Variants in MZF1 observed in about 807,000 individuals in gnomAD.
MZF1 encodes the protein myeloid zinc finger 1, also known as zinc finger and SCAN domain-containing protein 6.
In MZF1, 24 loss-of-function variants were observed where a neutral mutation model predicts 28.6. The observed-to-expected ratio is 0.84, with a 90% confidence interval of 0.61 to 1.18. MZF1 has a LOEUF of 1.18. MZF1 is among the 50% of genes most tolerant of loss of function. The pLI is 0.00. For missense variants in MZF1, 1,166 were observed against 1,026.4 expected (o/e 1.14, Z -1.86); for synonymous variants, 516 against 432.5 (o/e 1.19, Z -2.40).
Position 58,562,281 on chromosome 19 carries a change from C to T in MZF1, c.1996G>A (p.Ala666Thr). The T allele has an allele frequency of 6.3e-7, 1 of 1,591,640 alleles. No individual in the cohort carries two copies. The highest frequency in any genetic ancestry group is 8.5e-7 in the Non-Finnish European group (1 of 1,171,608). Residue 666 changes from alanine (A) to threonine (T), a missense_variant, in exon 6 of 6, where the codon GCC becomes ACC. Coordinates refer to ENST00000215057, the MANE Select transcript of MZF1 (RefSeq NM_198055.2). ...PECGQSFRQH[A>T]NLTQHRRIHT... ...ATGCGCCGGTGCTGGGTGAGGTTGGCGTGCTGCCGAAAGCTCTGGCCGCAC... is the reference window on the plus strand; with the variant it reads ...ATGCGCCGGTGCTGGGTGAGGTTGGTGTGCTGCCGAAAGCTCTGGCCGCAC...
Position 58,563,351 on chromosome 19 carries a change from C to T in MZF1, c.926G>A (p.Ser309Asn), listed in dbSNP as rs531744684. The T allele has an allele frequency of 6.2e-7, 1 of 1,608,568 alleles. No homozygotes were observed. The highest frequency in any genetic ancestry group is 2.2e-5 in the East Asian group (1 of 44,734). The change falls in exon 6 of 6, where the codon AGC becomes AAC. Residue 309 changes from serine (S) to asparagine (N), a missense_variant. Coordinates refer to ENST00000215057, the MANE Select transcript of MZF1 (RefSeq NM_198055.2). ...GGFAHALLLP[S>N]DLRSEQDPTD... ...GGGGTCCTGTTCACTCCTCAGATCG[C>T]TGGGGAGCAGAAGCGCATGCGCAAA...
At chr19:58,572,773 A>C in intron 1 of MZF1, 1 of 469,760 alleles carries the variant, frequency 2.1e-6, no homozygotes, top group Non-Finnish European at 3.7e-6. Flanking sequence ...GAGGGTCCCG[A>C]AATACACTTC....
intron 5 of MZF1, among the ~76,000 whole-genome samples, chr19:58,566,326 T>TCACC (rs1200004363): frequency 2.0e-5 from 3 of 151,328 alleles, no homozygotes; most frequent in Admixed American, 6.6e-5. Flanking sequence ...AGCATGACTG[T>TCACC]AATCTCAGCT....
chr19:58,563,475 C>T lies in MZF1; in HGVS notation c.802G>A (p.Ala268Thr), dbSNP rs374539216. The change falls in exon 6 of 6, where the codon GCA becomes ACA. Residue 268 changes from alanine to threonine, a missense_variant. Physicochemically the swap from Ala to Thr is moderately conservative, Grantham distance 58. Coordinates refer to ENST00000215057, the MANE Select transcript of MZF1 (RefSeq NM_198055.2). ...GFALQLGSIS[A>T]GPGSVSPHLH... ...TGAGGGCTTACACTACCTGGACCTG[C>T]GGAGATGCTGCCTAGCTGCAGCGCG... 15 of 1,562,076 alleles carry T rather than the reference C, an allele frequency of 9.6e-6. No individual in the cohort carries two copies. The highest frequency in any genetic ancestry group is 3.8e-5 in the Admixed American group (2 of 52,870).
At chr19:58,572,705 A>C (rs1032488191) in intron 1 of MZF1, 1 of 1,098,980 alleles carries the variant, frequency 9.1e-7, no homozygotes, top group African/African-American at 1.6e-5. Flanking sequence ...CAAGGTGCCA[A>C]GTCAACCTGA....
At chr19:58,570,316 T>C in intron 3 of MZF1, 28 bp downstream of exon 3, 1 of 1,577,662 alleles carries the variant, frequency 6.3e-7, no homozygotes, top group Admixed American at 1.8e-5. Context: ...AACCAGACCT[T>C]AGGCGCGCCC....
At chr19:58,569,170 G>A in intron 5 of MZF1, 107 bp downstream of exon 5, 1 of 1,386,272 alleles carries the variant, frequency 7.2e-7, no homozygotes, top group Non-Finnish European at 9.7e-7. Context: ...GGGGAACTTG[G>A]GGATGCTGGA....
At position 58,571,204 on chromosome 19, in the gene MZF1, C is replaced by T. The variant is rs2054156119; in HGVS notation, c.186G>A (p.Leu62=). ...GGCGACACAGCTCTCGGAGCTGGGC[C>T]AGGGCCTCTTGGGGCCCTGTGGCCT... ...YEEATGPQEA[L]AQLRELCRQW... The change falls in exon 2 of 6, where the codon CTG becomes CTA. Residue 62 remains leucine (L), a synonymous_variant. Coordinates refer to ENST00000215057, the MANE Select transcript of MZF1 (RefSeq NM_198055.2). The T allele has an allele frequency of 6.2e-7, 1 of 1,613,060 alleles. No homozygotes were observed. The highest frequency in any genetic ancestry group is 8.5e-7 in the Non-Finnish European group (1 of 1,179,506).
chr19:58,569,524 C>G lies in MZF1; in HGVS notation c.643G>C (p.Glu215Gln), dbSNP rs774828731. Residue 215 changes from glutamate (E) to glutamine (Q), a missense_variant, in exon 4 of 6, where the codon GAG becomes CAG. Transcript: ENST00000215057. Reference protein sequence around the residue: ...QESVPTLLPEEAQRCGTVLDQ... With the variant: ...QESVPTLLPEQAQRCGTVLDQ... ...ACCTGGGCAGGACTTACCTGGGCCT[C>G]CTCAGGCAGGAGGGTGGGTACAGAC... The G allele has an allele frequency of 2.5e-6, 4 of 1,611,460 alleles. No individual in the cohort carries two copies. In the East Asian group the frequency reaches 8.9e-5, roughly 36 times the overall value.
intron 2 of MZF1, 106 bp downstream of exon 2, chr19:58,570,888 G>A: frequency 2.3e-6 from 3 of 1,312,522 alleles, no homozygotes; most frequent in Admixed American, 4.6e-5. Context: ...GGCCACTTCT[G>A]TACCACAAGG....
intron 5 of MZF1, among the ~76,000 whole-genome samples, chr19:58,565,956 C>G (rs113915900): frequency 2.7e-5 from 4 of 149,382 alleles, no homozygotes; most frequent in African/African-American, 9.8e-5. Context: ...CTGGCTAACA[C>G]GGCGAAACCC....
intron 1 of MZF1, 167 bp downstream of exon 1, chr19:58,572,888 A>G (rs2054192370): frequency 6.7e-6 from 2 of 298,654 alleles, no homozygotes; most frequent in South Asian, 2.5e-5. Context: ...CGTGGCAACG[A>G]GTAGTGATTG....
chr19:58,567,214 A>G lies in MZF1; in HGVS notation c.772+2063T>C, dbSNP rs1228750437. On this transcript the variant is annotated intron_variant, in intron 5 of 5. Transcript: ENST00000215057. ...TGAGCGGCTGCGCCTGGCTAAGAAGATTCTAAAAACTCAGGAGTTGGAGGT... is the reference window on the plus strand; with the variant it reads ...TGAGCGGCTGCGCCTGGCTAAGAAGGTTCTAAAAACTCAGGAGTTGGAGGT... Among the ~76,000 whole-genome samples, 3 of 152,154 alleles carry G rather than the reference A, an allele frequency of 2.0e-5. No homozygotes were observed. The East Asian group carries it at 5.8e-4, about 29-fold the overall frequency.
intron 2 of MZF1, 23 bp downstream of exon 2, chr19:58,570,971 C>G: frequency 1.3e-6 from 2 of 1,581,908 alleles, no homozygotes; most frequent in African/African-American, 2.7e-5. Context: ...AGTCCTGAAC[C>G]CCACTCGTGG....
chr19:58,564,174 G>A (rs1239828463), intron 5 of MZF1: 1 of 152,308 alleles, frequency 6.6e-6, no homozygotes, highest in African/African-American at 2.4e-5. Context: ...GAAGGCGGAA[G>A]CCTGGAGGAG....
chr19:58,571,072 C>T lies in MZF1; in HGVS notation c.318G>A (p.Gly106=), dbSNP rs371963316. Residue 106 remains glycine (G), a synonymous_variant, in exon 2 of 6, where the codon GGG becomes GGA. Coordinates refer to ENST00000215057, the MANE Select transcript of MZF1 (RefSeq NM_198055.2). ...LPPEIQARVQ[G]QRPGSPEEAA... Reference sequence around the variant, plus strand: ...CCTCCTCGGGGCTGCCTGGCCGCTGCCCCTGCACACGGGCCTGGATCTCAG... The same window carrying T: ...CCTCCTCGGGGCTGCCTGGCCGCTGTCCCTGCACACGGGCCTGGATCTCAG... The T allele has an allele frequency of 6.2e-7, 1 of 1,613,564 alleles. No individual in the cohort carries two copies. The highest frequency in any genetic ancestry group is 1.3e-5 in the African/African-American group (1 of 75,054).
upstream of MZF1, chr19:58,573,368 C>A (rs959067308): frequency 1.3e-5 from 2 of 152,526 alleles, no homozygotes; most frequent in African/African-American, 4.8e-5. Context: ...CCACGTTTTC[C>A]TCACTTCTCT....
intron 5 of MZF1, among the ~76,000 whole-genome samples, chr19:58,566,840 A>G (rs765816462): frequency 5.3e-5 from 8 of 152,182 alleles, no homozygotes; most frequent in Non-Finnish European, 1.2e-4. Context: ...CATTTCATAA[A>G]TAAATAGATA....
intron 3 of MZF1, 145 bp from the exon 4 acceptor site, chr19:58,569,731 G>T (rs1390761692): frequency 3.0e-6 from 2 of 661,926 alleles, no homozygotes; most frequent in African/African-American, 1.8e-5. Flanking sequence ...GGTAGCTGAG[G>T]GCCCAGCTCA....
Sources: gnomAD v4.1 joint callset for allele counts (sites outside exome capture counted in the v4.1 genomes callset) on GRCh38, gnomAD v4.1.1 for gene constraint, MANE v1.5 for transcripts, NCBI Gene and HGNC (gene_info 2026-07-23, HGNC 2026-07-21) for gene names.